Variants in ARMC8 observed in about 807,000 individuals in gnomAD.
ARMC8 encodes the protein armadillo repeat containing 8.
ARMC8 carries 20 observed loss-of-function variants against 99.3 expected under a neutral mutation model. The ratio of observed to expected loss-of-function variants is 0.20; its 90% confidence interval spans 0.14 to 0.29. The LOEUF (loss-of-function observed/expected upper bound fraction) is 0.29, where lower values mean the gene tolerates loss of function less well. Among genes scored for constraint, ARMC8 ranks in the 10% least tolerant of loss-of-function variants. The pLI is 1.00. For missense variants in ARMC8, 569 were observed against 809.5 expected (o/e 0.70, Z 3.60); for synonymous variants, 263 against 278.3 (o/e 0.95, Z 0.55).
chr3:138,274,806 G>T (rs1391164271), intron 18 of ARMC8, among the ~76,000 whole-genome samples: 5 of 152,184 alleles, frequency 3.3e-5, no homozygotes, highest in African/African-American at 1.2e-4. Context: ...TACAGGAGCA[G>T]TCACCTTTCA....
At chr3:138,264,064 C>T in intron 13 of ARMC8, 67 bp from the exon 14 acceptor site, 2 of 1,437,598 alleles carry the variant, frequency 1.4e-6, no homozygotes, top group East Asian at 2.3e-5. Flanking sequence ...TGTAAAATGC[C>T]AGCCAGTTTG....
chr3:138,230,679 T>G (rs1421817570), intron 6 of ARMC8, among the ~76,000 whole-genome samples: 2 of 152,068 alleles, frequency 1.3e-5, no homozygotes, highest in African/African-American at 4.8e-5. Context: ...TAAAATTCTA[T>G]TACTGAGTGT....
At chr3:138,207,079 G>T (rs2108014900) in intron 1 of ARMC8, among the ~76,000 whole-genome samples, 1 of 152,318 alleles carries the variant, frequency 6.6e-6, no homozygotes, top group Non-Finnish European at 1.5e-5. Flanking sequence ...CCAGCAACTA[G>T]TATACTTGCT....
intron 1 of ARMC8, among the ~76,000 whole-genome samples, chr3:138,207,958 A>G (rs932164649): frequency 2.0e-5 from 3 of 152,194 alleles, no homozygotes; most frequent in African/African-American, 7.2e-5. Flanking sequence ...AAAATGAAGT[A>G]CATGCTAAAA....
chr3:138,199,492 G>A (rs2043929176), intron 1 of ARMC8, among the ~76,000 whole-genome samples: 1 of 152,146 alleles, frequency 6.6e-6, no homozygotes, highest in South Asian at 2.1e-4. Context: ...TTTGTTCCAA[G>A]TAGAGGCAGA....
intron 14 of ARMC8, among the ~76,000 whole-genome samples, chr3:138,265,155 A>T (rs1008769560): frequency 6.6e-6 from 1 of 151,910 alleles, no homozygotes; most frequent in Non-Finnish European, 1.5e-5. Flanking sequence ...TGGCCTCCCA[A>T]AGTGTTGGCT....
At chr3:138,238,023 A>G (rs544177999) in intron 9 of ARMC8, 1 of 152,628 alleles carries the variant, frequency 6.6e-6, no homozygotes, top group East Asian at 1.9e-4. Context: ...AAAAAACACA[A>G]AATCTTCAAA....
In ARMC8 at chr3:138,225,952, C is replaced by T. The variant is rs540435614; in HGVS notation, c.435+2219C>T. Among the ~76,000 whole-genome samples the T allele has an allele frequency of 3.3e-4, 50 of 152,198 alleles. No homozygotes were observed. In the South Asian group the frequency reaches 0.01, roughly 31 times the overall value. On this transcript the variant is annotated intron_variant, in intron 5 of 21. Coordinates refer to ENST00000469044, the MANE Select transcript of ARMC8 (RefSeq NM_001363941.2). The stretch of plus-strand genomic sequence containing the variant: ...GTCAGTAGGTGAGATTTATGGGTCA[C>T]CTCACACAGTAGGGAGCACCTAAAT...
intron 14 of ARMC8, among the ~76,000 whole-genome samples, chr3:138,266,093 T>A (rs565989626): frequency 7.0e-4 from 106 of 152,304 alleles, no homozygotes; most frequent in Middle Eastern, 3.4e-3. Flanking sequence ...TTATTTTCAG[T>A]GGGCCTGCCT....
chr3:138,209,833 G>C lies in ARMC8; in HGVS notation c.62G>C (p.Ser21Thr), dbSNP rs771715573. The change falls in exon 2 of 22, where the codon AGT (serine) becomes ACT (threonine). Residue 21 changes from serine (S) to threonine (T), a missense_variant. Physicochemically the swap from Ser to Thr is moderately conservative, Grantham distance 58. This residue lies in a region of ARMC8 where 342 missense variants were observed against 391.6 expected (regional missense o/e 0.87). Transcript: ENST00000469044. ...MSVLSEVTAS[S>T]RHYVDRLFDP... ...ACTTTCTAGGAAGTAACAGCTAGCA[G>C]TCGCCACTATGTTGACAGGCTATTT... The C allele has an allele frequency of 6.2e-7, 1 of 1,613,812 alleles. No homozygotes were observed. The highest frequency in any genetic ancestry group is 1.1e-5 in the South Asian group (1 of 91,062).
At position 138,226,381 on chromosome 3, in the gene ARMC8, G is replaced by A. The variant is rs559577953; in HGVS notation, c.436-2537G>A. Among the ~76,000 whole-genome samples the A allele has an allele frequency of 1.9e-3, 296 of 152,262 alleles. 1 individual carries two copies. Among genetic ancestry groups the A allele is most frequent in the Admixed American group, 3.1e-3 (47 of 15,290 alleles). ...AATCTATAGAGTGTTTACTGTAGTCGTTCTCAGACTTGAAGTTGCACTAGT... is the reference window on the plus strand; with the variant it reads ...AATCTATAGAGTGTTTACTGTAGTCATTCTCAGACTTGAAGTTGCACTAGT... On this transcript the variant is annotated intron_variant, in intron 5 of 21. Coordinates refer to ENST00000469044, the MANE Select transcript of ARMC8 (RefSeq NM_001363941.2).
chr3:138,229,179 T>C (rs1364218252), intron 6 of ARMC8, 169 bp downstream of exon 6: 2 of 26,596 alleles, frequency 7.5e-5, no homozygotes, highest in East Asian at 5.0e-3. Context: ...TATATATATA[T>C]ATATGTATAT....
chr3:138,224,666 A>G (rs2045589421), intron 5 of ARMC8, among the ~76,000 whole-genome samples: 1 of 152,158 alleles, frequency 6.6e-6, no homozygotes, highest in Admixed American at 6.5e-5. Context: ...CATGAAAATC[A>G]CTTGAACCCA....
At chr3:138,293,158 C>A (rs2051136625) in intron 21 of ARMC8, among the ~76,000 whole-genome samples, 1 of 152,160 alleles carries the variant, frequency 6.6e-6, no homozygotes, top group African/African-American at 2.4e-5. Flanking sequence ...TTAACTAACT[C>A]CTCTGAAGTA....
intron 11 of ARMC8, among the ~76,000 whole-genome samples, chr3:138,242,379 CT>C (rs754477150): frequency 1.6e-4 from 24 of 152,174 alleles, no homozygotes; most frequent in Non-Finnish European, 3.4e-4. Flanking sequence ...TCCCATGTTA[CT>C]TTCCACCACA....
intron 16 of ARMC8, among the ~76,000 whole-genome samples, chr3:138,270,702 G>A (rs1031715411): frequency 3.3e-5 from 5 of 152,098 alleles, no homozygotes; most frequent in Non-Finnish European, 7.4e-5. Flanking sequence ...TTTGCAGAAT[G>A]ATTAACTTGT....
intron 18 of ARMC8, among the ~76,000 whole-genome samples, chr3:138,275,959 A>C (rs1460972727): frequency 6.6e-6 from 1 of 152,220 alleles, no homozygotes; most frequent in African/African-American, 2.4e-5. Flanking sequence ...CAATGAAGAA[A>C]GTACATTGTT....
chr3:138,252,610 C>A (rs368914070), intron 12 of ARMC8, among the ~76,000 whole-genome samples: 15 of 151,814 alleles, frequency 9.9e-5, no homozygotes, highest in Non-Finnish European at 2.1e-4. Flanking sequence ...CCCGCCACCA[C>A]GCCTGGCTAA....
At chr3:138,248,874 A>C (rs555405588) in intron 12 of ARMC8, among the ~76,000 whole-genome samples, 1 of 152,232 alleles carries the variant, frequency 6.6e-6, no homozygotes, top group East Asian at 1.9e-4. Flanking sequence ...ACACATTGCA[A>C]ATGTTAAGTA....
Sources: allele counts gnomAD v4.1 joint callset (sites outside exome capture counted in the v4.1 genomes callset), GRCh38; gene constraint gnomAD v4.1.1; regional missense constraint gnomAD v4.1.1; transcripts MANE v1.5; gene names NCBI Gene and HGNC (gene_info 2026-07-23, HGNC 2026-07-21).